The following UBE3A variants were observed in gnomAD, a reference collection of about 807,000 sequenced individuals.
UBE3A encodes the protein ubiquitin-protein ligase E3A.
Under a neutral mutation model 83.4 loss-of-function variants are expected in UBE3A, and 6 were observed. The ratio of observed to expected loss-of-function variants is 0.07; its 90% CI spans 0.04 to 0.14. The LOEUF (loss-of-function observed/expected upper bound fraction) is 0.14. UBE3A is among the 10% of genes least tolerant of loss of function. The pLI, the probability that UBE3A is intolerant of heterozygous loss-of-function variation, is 1.00. For synonymous variants in UBE3A, 337 were observed against 355.4 expected (o/e 0.95, Z 0.58); for missense variants, 456 against 1,036.1 (o/e 0.44, Z 7.69).
chr15:25,363,207 AT>A (rs2078415341), intron 6 of UBE3A, among the ~76,000 whole-genome samples: 1 of 152,214 alleles, frequency 6.6e-6, no homozygotes, highest in African/African-American at 2.4e-5. Context: ...AATATGTTCT[AT>A]TGTAAATGCA....
chr15:25,428,872 G>A (rs992954813), intron 1 of UBE3A, among the ~76,000 whole-genome samples: 5 of 151,890 alleles, frequency 3.3e-5, no homozygotes, highest in Admixed American at 6.6e-5. Flanking sequence ...TCACTTCTAC[G>A]GTTTTTCCCA....
intron 11 of UBE3A, among the ~76,000 whole-genome samples, chr15:25,353,611 G>C (rs2076822403): frequency 6.6e-6 from 1 of 152,212 alleles, no homozygotes; most frequent in Non-Finnish European, 1.5e-5. Flanking sequence ...GCTAGATAGA[G>C]TTGATATTCA....
intron 1 of UBE3A, among the ~76,000 whole-genome samples, chr15:25,432,669 A>T (rs1893812655): frequency 6.6e-6 from 1 of 152,206 alleles, no homozygotes; most frequent in Non-Finnish European, 1.5e-5. Context: ...GACTAACCTC[A>T]ATTGATCCTG....
chr15:25,365,692 G>A (rs1218281465), intron 6 of UBE3A, among the ~76,000 whole-genome samples: 1 of 147,824 alleles, frequency 6.8e-6, no homozygotes, highest in African/African-American at 2.5e-5. Flanking sequence ...GGCTTGCAGT[G>A]AGCCAAGATT....
chr15:25,430,087 G>A (rs1422834598), intron 1 of UBE3A, among the ~76,000 whole-genome samples: 3 of 76,668 alleles, frequency 3.9e-5, no homozygotes, highest in African/African-American at 1.7e-4. Flanking sequence ...ATATATATAA[G>A]ATTATATATA....
intron 6 of UBE3A, among the ~76,000 whole-genome samples, 176 bp from the exon 7 acceptor site, chr15:25,360,703 A>G (rs1421881356): frequency 6.6e-6 from 1 of 152,230 alleles, no homozygotes; most frequent in Non-Finnish European, 1.5e-5. Flanking sequence ...TCAGTCTTAA[A>G]GATAATCAAA....
intron 11 of UBE3A, among the ~76,000 whole-genome samples, chr15:25,343,421 TAAATAA>T (rs1839425219): frequency 6.6e-6 from 1 of 152,062 alleles, no homozygotes; most frequent in African/African-American, 2.4e-5. Context: ...GAGCACATCT[TAAATAA>T]AAATAAGAAT....
chr15:25,378,625 C>T (rs997530255), intron 4 of UBE3A, among the ~76,000 whole-genome samples: 4 of 152,084 alleles, frequency 2.6e-5, no homozygotes, highest in Non-Finnish European at 5.9e-5. Flanking sequence ...AAGTACAGAA[C>T]CAAGACAAGA....
intron 1 of UBE3A, among the ~76,000 whole-genome samples, chr15:25,435,129 T>C (rs1219000670): frequency 2.7e-5 from 4 of 150,634 alleles, no homozygotes; most frequent in African/African-American, 7.4e-5. Context: ...AAAAAGTAAA[T>C]CTTTACAGTA....
intron 6 of UBE3A, among the ~76,000 whole-genome samples, chr15:25,363,250 G>A (rs1422883052): frequency 1.3e-5 from 2 of 149,900 alleles, no homozygotes; most frequent in Non-Finnish European, 3.0e-5. Flanking sequence ...TATTTCATCT[G>A]TAAAATAACC....
intron 4 of UBE3A, among the ~76,000 whole-genome samples, chr15:25,396,776 A>G (rs2152991046): frequency 6.6e-6 from 1 of 152,284 alleles, no homozygotes; most frequent in Non-Finnish European, 1.5e-5. Flanking sequence ...CTTGTTTAAG[A>G]GTATTAATAA....
chr15:25,366,842 C>T (rs2079184543), intron 6 of UBE3A, among the ~76,000 whole-genome samples: 1 of 152,102 alleles, frequency 6.6e-6, no homozygotes, highest in Admixed American at 6.5e-5. Context: ...TGGAGTCTGG[C>T]TTTATCAAAA....
chr15:25,368,871 G>T (rs182425044), intron 6 of UBE3A, among the ~76,000 whole-genome samples: 1 of 152,156 alleles, frequency 6.6e-6, no homozygotes, highest in Non-Finnish European at 1.5e-5. Context: ...ACTTCTGAGC[G>T]AAAGACAGAT....
At chr15:25,438,331 C>T (rs1433776092) in intron 1 of UBE3A, 158 bp downstream of exon 1, 8 of 152,440 alleles carry the variant, frequency 5.2e-5, no homozygotes, top group African/African-American at 1.7e-4. Context: ...GGGCCTACTT[C>T]TGGCACCAGC....
At chr15:25,434,629 CAT>C (rs1048011780) in intron 1 of UBE3A, among the ~76,000 whole-genome samples, 7 of 152,254 alleles carry the variant, frequency 4.6e-5, no homozygotes, top group African/African-American at 1.7e-4. Context: ...ACAAAACACT[CAT>C]ATGTCTCCAA....
intron 1 of UBE3A, among the ~76,000 whole-genome samples, chr15:25,420,292 AAGG>A (rs1291036446): frequency 2.0e-5 from 3 of 152,304 alleles, no homozygotes; most frequent in Non-Finnish European, 1.5e-5. Context: ...TCAATTAATC[AAGG>A]AGATCTAACA....
chr15:25,339,821 A>C (rs1039726418), intron 12 of UBE3A: 11 of 484,098 alleles, frequency 2.3e-5, no homozygotes, highest in African/African-American at 2.1e-4. Flanking sequence ...TCAATTAACA[A>C]GCTGGGAATC....
chr15:25,395,494 A>G (rs2085345300), intron 4 of UBE3A, among the ~76,000 whole-genome samples: 1 of 152,208 alleles, frequency 6.6e-6, no homozygotes, highest in Admixed American at 6.5e-5. Flanking sequence ...AGATTTACCA[A>G]TAATTTGAGT....
In UBE3A at chr15:25,364,641, G is replaced by GTTTTT. The variant is rs1260418313; in HGVS notation, c.1609-4115_1609-4114insAAAAA. On this transcript the variant is annotated intron_variant, in intron 6 of 12. Transcript: ENST00000648336. ...CACGTGGATTTTTAGGGTTTTTTTT[G>GTTTTT]TTTGTTTTTTTTTTTTTTTTGAGAC... is the stretch of plus-strand genomic sequence containing the variant. Among the ~76,000 whole-genome samples, 105 of 132,476 alleles carry GTTTTT rather than the reference G, an allele frequency of 7.9e-4. 1 individual carries two copies. Among genetic ancestry groups the GTTTTT allele is most frequent in the African/African-American group, 3.1e-3 (102 of 32,454 alleles). 86.9% of individuals were successfully genotyped at this position (132,476 alleles called of 152,430 possible).
Sources: allele counts gnomAD v4.1 joint callset (sites outside exome capture counted in the v4.1 genomes callset), GRCh38; gene constraint gnomAD v4.1.1; transcripts MANE v1.5; gene names NCBI Gene and HGNC (gene_info 2026-07-23, HGNC 2026-07-21).